The following RP1 variants were observed in gnomAD, a reference collection of about 807,000 sequenced individuals.
The protein encoded by RP1 is RP1 axonemal microtubule associated.
Under a neutral mutation model 14.8 loss-of-function variants are expected in RP1, and 16 were observed. The observed-to-expected ratio is 1.08, with a 90% CI of 0.73 to 1.65. The LOEUF is 1.65. RP1 is among the 40% of genes most tolerant of loss of function. The pLI, the probability that RP1 is intolerant of heterozygous loss-of-function variation, is 0.00. For missense variants in RP1, 2,631 were observed against 2,535.0 expected (o/e 1.04, Z -0.81); for synonymous variants, 876 against 883.6 (o/e 0.99, Z 0.15).
intron 6 of RP1, chr8:54,663,585 A>C (rs1325157540): frequency 3.0e-6 from 3 of 1,010,360 alleles, no homozygotes; most frequent in Non-Finnish European, 4.0e-6. Flanking sequence ...GGTTTCTGGC[A>C]TCCACTGGGG....
At chr8:54,744,650 G>A (rs1809182174) in intron 19 of RP1, among the ~76,000 whole-genome samples, 1 of 152,040 alleles carries the variant, frequency 6.6e-6, no homozygotes, top group Non-Finnish European at 1.5e-5. Flanking sequence ...CTGTATAGGT[G>A]ACTACCATCT....
chr8:54,594,610 A>G (rs888814256), intron 1 of RP1, among the ~76,000 whole-genome samples: 10 of 152,250 alleles, frequency 6.6e-5, no homozygotes, highest in Non-Finnish European at 1.3e-4. Flanking sequence ...GCTGTTTCAG[A>G]CAAAATTAAG....
At chr8:54,824,096 A>G (rs1811326737) in intron 24 of RP1, among the ~76,000 whole-genome samples, 1 of 151,380 alleles carries the variant, frequency 6.6e-6, no homozygotes. Flanking sequence ...AAATATCTCT[A>G]TATCATTTGC....
intron 23 of RP1, among the ~76,000 whole-genome samples, chr8:54,775,939 G>T (rs1369417426): frequency 6.6e-6 from 1 of 152,188 alleles, no homozygotes; most frequent in African/African-American, 2.4e-5. Context: ...CTCAGGAATT[G>T]TTAGCAAATG....
chr8:54,679,680 C>T (rs1476696199), intron 11 of RP1: 18 of 1,519,712 alleles, frequency 1.2e-5, no homozygotes, highest in Non-Finnish European at 1.6e-5. Flanking sequence ...GTTCAAATGA[C>T]TATTTGATGT....
At chr8:54,869,883 G>A in exon 29 of RP1, 4 of 1,232,016 alleles carry the variant, frequency 3.2e-6, no homozygotes, top group Non-Finnish European at 3.0e-6. Flanking sequence ...GACCCAGCGG[G>A]AATTGCTCGC....
chr8:54,741,811 C>G (rs1809106448), intron 19 of RP1, among the ~76,000 whole-genome samples: 1 of 136,246 alleles, frequency 7.3e-6, no homozygotes, highest in South Asian at 2.4e-4. Flanking sequence ...ACTTTGAGAT[C>G]CTGGTTTTTT....
At chr8:54,654,433 A>G (rs756749774) in intron 5 of RP1, among the ~76,000 whole-genome samples, 37 of 152,280 alleles carry the variant, frequency 2.4e-4, no homozygotes, top group Non-Finnish European at 4.3e-4. Flanking sequence ...CTGCTTCTCA[A>G]ATGATCAGCT....
chr8:54,809,382 G>T (rs1281300081), intron 24 of RP1, among the ~76,000 whole-genome samples: 1 of 152,174 alleles, frequency 6.6e-6, no homozygotes, highest in East Asian at 1.9e-4. Context: ...ATTCTCACAG[G>T]ATATCAAAAT....
intron 12 of RP1, among the ~76,000 whole-genome samples, chr8:54,698,634 A>G (rs1585617038): frequency 6.6e-6 from 1 of 152,220 alleles, no homozygotes; most frequent in Non-Finnish European, 1.5e-5. Flanking sequence ...TCTTGGAACC[A>G]ACACAAATGT....
At chr8:54,634,660 G>A (rs1806313584), downstream of RP1, among the ~76,000 whole-genome samples, 1 of 152,134 alleles carries the variant, frequency 6.6e-6, no homozygotes, top group Non-Finnish European at 1.5e-5. Flanking sequence ...AAAAGCTTTT[G>A]AAAATTAAGC....
chr8:54,717,270 G>A (rs189237123), intron 15 of RP1, among the ~76,000 whole-genome samples: 3 of 152,234 alleles, frequency 2.0e-5, no homozygotes, highest in Admixed American at 2.0e-4. Context: ...CCATTTGGAA[G>A]CTCAAAGCTG....
At chr8:54,593,517 G>C (rs1329823742) in intron 1 of RP1, among the ~76,000 whole-genome samples, 2 of 152,114 alleles carry the variant, frequency 1.3e-5, no homozygotes, top group Admixed American at 1.3e-4. Flanking sequence ...CTGGTCTGTT[G>C]CCTCTCTGAC....
At chr8:54,743,785 C>T (rs1045335204) in intron 19 of RP1, among the ~76,000 whole-genome samples, 3 of 152,106 alleles carry the variant, frequency 2.0e-5, no homozygotes, top group African/African-American at 7.2e-5. Flanking sequence ...GGTTTTTAGA[C>T]ACCAGTATTT....
chr8:54,762,354 T>C (rs1413465750), intron 22 of RP1, among the ~76,000 whole-genome samples: 7 of 152,136 alleles, frequency 4.6e-5, no homozygotes, highest in Admixed American at 4.6e-4. Context: ...GTGAGGAGAC[T>C]GCTTGTATGC....
At chr8:54,825,389 G>T (rs1444588615) in intron 24 of RP1, among the ~76,000 whole-genome samples, 1 of 152,172 alleles carries the variant, frequency 6.6e-6, no homozygotes, top group Non-Finnish European at 1.5e-5. Context: ...AAAAAGCATA[G>T]AGATTAGAGT....
intron 25 of RP1, among the ~76,000 whole-genome samples, chr8:54,841,444 G>A (rs546107925): frequency 2.0e-5 from 3 of 152,248 alleles, no homozygotes; most frequent in Admixed American, 2.0e-4. Flanking sequence ...CCAGGCAGTT[G>A]GCACTTACAC....
At chr8:54,756,111 T>C (rs775746447) in intron 21 of RP1, among the ~76,000 whole-genome samples, 3 of 152,206 alleles carry the variant, frequency 2.0e-5, no homozygotes, top group Non-Finnish European at 2.9e-5. Flanking sequence ...TTTTAAAAGA[T>C]AAGGCCATAG....
chr8:54,611,738 C>T (rs1166600957), upstream of RP1, among the ~76,000 whole-genome samples: 1 of 152,004 alleles, frequency 6.6e-6, no homozygotes, highest in Non-Finnish European at 1.5e-5. Context: ...ATGGGATATA[C>T]TTTCCTCTTT....
Sources: allele counts gnomAD v4.1 joint callset (sites outside exome capture counted in the v4.1 genomes callset), GRCh38; gene constraint gnomAD v4.1.1; transcripts MANE v1.5; gene names NCBI Gene and HGNC (gene_info 2026-07-23, HGNC 2026-07-21).